The following LSAMP variants were observed in gnomAD, a reference collection of about 807,000 sequenced individuals.
LSAMP encodes the protein limbic system associated membrane protein.
Under a neutral mutation model 38.6 loss-of-function variants are expected in LSAMP, and 7 were observed. That is an observed-to-expected ratio of 0.18 (90% confidence interval 0.10 to 0.34). The LOEUF is 0.34. Ranked by LOEUF, LSAMP falls within the 10% of genes least tolerant of loss-of-function variation. LSAMP has a pLI of 1.00. For missense variants in LSAMP, 313 were observed against 420.0 expected, an observed-to-expected ratio of 0.75 and a Z score of 2.23; for synonymous variants, 154 against 166.8, an observed-to-expected ratio of 0.92 and a Z score of 0.59.
At chr3:115,916,506 G>A (rs1364764473) in intron 3 of LSAMP, among the ~76,000 whole-genome samples, 1 of 152,078 alleles carries the variant, frequency 6.6e-6, no homozygotes, top group South Asian at 2.1e-4. Flanking sequence ...CTGATATATA[G>A]GTATATCACA....
intron 3 of LSAMP, among the ~76,000 whole-genome samples, chr3:115,871,318 C>G (rs1445997319): frequency 6.6e-6 from 1 of 151,712 alleles, no homozygotes; most frequent in Non-Finnish European, 1.5e-5. Context: ...GGTCAAGACT[C>G]AAGACTAAGT....
intron 1 of LSAMP, among the ~76,000 whole-genome samples, chr3:116,117,090 C>T (rs186485819): frequency 4.7e-4 from 72 of 152,292 alleles, no homozygotes; most frequent in Middle Eastern, 3.4e-3. Context: ...ATTTTTTATG[C>T]AGCAAGGGAT....
chr3:116,437,092 T>A (rs895981120), intron 1 of LSAMP, among the ~76,000 whole-genome samples: 1 of 151,108 alleles, frequency 6.6e-6, no homozygotes, highest in African/African-American at 2.4e-5. Context: ...TAAAAAGGAA[T>A]GAATTAACAG....
intron 1 of LSAMP, among the ~76,000 whole-genome samples, chr3:116,216,859 A>G (rs976607147): frequency 6.6e-6 from 1 of 152,218 alleles, no homozygotes; most frequent in African/African-American, 2.4e-5. Flanking sequence ...CTTTGGAAAT[A>G]GATCGTGTTC....
At chr3:116,407,697 C>A (rs1039893833) in intron 1 of LSAMP, among the ~76,000 whole-genome samples, 1 of 151,982 alleles carries the variant, frequency 6.6e-6, no homozygotes, top group Non-Finnish European at 1.5e-5. Flanking sequence ...CCTGATTTAC[C>A]TTGTCATGGA....
At chr3:116,055,028 G>C (rs1941463136) in intron 2 of LSAMP, among the ~76,000 whole-genome samples, 1 of 152,162 alleles carries the variant, frequency 6.6e-6, no homozygotes, top group African/African-American at 2.4e-5. Flanking sequence ...GGTGACATAA[G>C]AAAGTAGTAC....
At chr3:116,224,100 G>T (rs1240569224) in intron 1 of LSAMP, among the ~76,000 whole-genome samples, 1 of 151,806 alleles carries the variant, frequency 6.6e-6, no homozygotes, top group Non-Finnish European at 1.5e-5. Flanking sequence ...TAATTAGATT[G>T]TGCTCTCTGC....
intron 1 of LSAMP, among the ~76,000 whole-genome samples, chr3:116,306,335 T>C: frequency 6.6e-6 from 1 of 152,066 alleles, no homozygotes; most frequent in East Asian, 1.9e-4. Context: ...TGCAAAATTC[T>C]ACAAAGGATA....
intron 3 of LSAMP, among the ~76,000 whole-genome samples, chr3:116,015,820 C>T (rs1047593839): frequency 1.3e-5 from 2 of 152,052 alleles, no homozygotes; most frequent in East Asian, 3.9e-4. Flanking sequence ...ATATACCATG[C>T]ATATTTCTTT....
At chr3:116,293,307 T>C (rs1412369578) in intron 1 of LSAMP, among the ~76,000 whole-genome samples, 1 of 152,208 alleles carries the variant, frequency 6.6e-6, no homozygotes, top group African/African-American at 2.4e-5. Flanking sequence ...TGGGCATCAG[T>C]TGTCCTGAAG....
At chr3:115,868,060 T>A (rs1000987175) in intron 3 of LSAMP, among the ~76,000 whole-genome samples, 2 of 152,118 alleles carry the variant, frequency 1.3e-5, no homozygotes, top group Non-Finnish European at 2.9e-5. Context: ...ATAGTTACAG[T>A]TGGTCTAAGG....
intron 1 of LSAMP, among the ~76,000 whole-genome samples, chr3:116,159,956 C>A (rs573205381): frequency 6.6e-6 from 1 of 152,106 alleles, no homozygotes; most frequent in African/African-American, 2.4e-5. Context: ...AGGCCATTAA[C>A]CTAAGCTAAC....
At chr3:116,168,373 G>T (rs947950389) in intron 1 of LSAMP, among the ~76,000 whole-genome samples, 1 of 150,194 alleles carries the variant, frequency 6.7e-6, no homozygotes, top group African/African-American at 2.4e-5. Context: ...AAACAAGAGA[G>T]AAAAAAAAAC....
intron 3 of LSAMP, among the ~76,000 whole-genome samples, chr3:115,980,301 G>A (rs1310084954): frequency 2.6e-5 from 4 of 151,872 alleles, no homozygotes; most frequent in Non-Finnish European, 5.9e-5. Flanking sequence ...AAGTTTTTTT[G>A]TTAAATTTAG....
intron 3 of LSAMP, among the ~76,000 whole-genome samples, chr3:115,901,483 T>C (rs1936872798): frequency 1.3e-5 from 2 of 152,120 alleles, no homozygotes; most frequent in South Asian, 2.1e-4. Context: ...GATGACACAC[T>C]AGCATTTCAA....
At chr3:115,855,357 T>G (rs1320791865) in intron 3 of LSAMP, among the ~76,000 whole-genome samples, 1 of 152,220 alleles carries the variant, frequency 6.6e-6, no homozygotes, top group Non-Finnish European at 1.5e-5. Context: ...AGTAATCTCA[T>G]TTGTTCCTGA....
intron 1 of LSAMP, among the ~76,000 whole-genome samples, chr3:116,174,461 T>A (rs1472777683): frequency 6.6e-6 from 1 of 152,066 alleles, no homozygotes; most frequent in Non-Finnish European, 1.5e-5. Flanking sequence ...TCATAATAGC[T>A]ATGTCTTTTA....
At position 116,224,723 on chromosome 3, in the gene LSAMP, A is replaced by G. The variant is rs528606511; in HGVS notation, c.156-138167T>C. Among the ~76,000 whole-genome samples the G allele has an allele frequency of 5.3e-5, 8 of 152,340 alleles. No individual in the cohort carries two copies. In the South Asian group the frequency reaches 1.7e-3, roughly 32 times the overall value. On this transcript the variant is annotated intron_variant, in intron 1 of 6. Coordinates refer to ENST00000490035, the MANE Select transcript of LSAMP (RefSeq NM_002338.5). Reference sequence around the variant, plus strand: ...TACCAGTCAAAAGGTACAATGGAATAGGCAATCTTAAATCCCTGCATGGAA... The same window carrying G: ...TACCAGTCAAAAGGTACAATGGAATGGGCAATCTTAAATCCCTGCATGGAA...
intron 1 of LSAMP, among the ~76,000 whole-genome samples, chr3:116,355,855 G>T (rs2048215445): frequency 6.6e-6 from 1 of 152,124 alleles, no homozygotes; most frequent in African/African-American, 2.4e-5. Context: ...AAGGAAAAAT[G>T]CAAATCAAAA....
Sources: gnomAD v4.1 joint callset for allele counts (sites outside exome capture counted in the v4.1 genomes callset) on GRCh38, gnomAD v4.1.1 for gene constraint, MANE v1.5 for transcripts, NCBI Gene and HGNC (gene_info 2026-07-23, HGNC 2026-07-21) for gene names.